The following GRM5 variants were observed in gnomAD, a reference collection of about 807,000 sequenced individuals.
GRM5 encodes the protein glutamate metabotropic receptor 5.
Under a neutral mutation model 83.1 loss-of-function variants are expected in GRM5, and 19 were observed. The observed-to-expected ratio is 0.23, with a 90% CI of 0.16 to 0.34. The LOEUF is 0.34. Ranked by LOEUF, GRM5 falls within the 10% of genes least tolerant of loss-of-function variation. GRM5 has a pLI of 1.00. For missense variants in GRM5, 1,160 were observed against 1,588.3 expected (o/e 0.73, Z 4.58); for synonymous variants, 675 against 633.6 (o/e 1.07, Z -0.98).
At chr11:88,979,414 T>C (rs1163601914) in intron 2 of GRM5, among the ~76,000 whole-genome samples, 4 of 152,214 alleles carry the variant, frequency 2.6e-5, no homozygotes, top group South Asian at 4.1e-4. Flanking sequence ...TACATATTAA[T>C]ACATATATCA....
chr11:88,902,233 A>G (rs1795121925), intron 2 of GRM5, among the ~76,000 whole-genome samples: 1 of 151,938 alleles, frequency 6.6e-6, no homozygotes, highest in Admixed American at 6.6e-5. Context: ...TTAGGGTGGA[A>G]GAACTTGGGA....
chr11:88,603,005 G>A (rs938170049), intron 5 of GRM5, among the ~76,000 whole-genome samples: 1 of 152,138 alleles, frequency 6.6e-6, no homozygotes, highest in Non-Finnish European at 1.5e-5. Flanking sequence ...ATGGGTTAAT[G>A]TTATACTCAA....
intron 8 of GRM5, among the ~76,000 whole-genome samples, chr11:88,565,807 T>C (rs972208684): frequency 2.6e-5 from 4 of 152,156 alleles, no homozygotes; most frequent in African/African-American, 9.7e-5. Flanking sequence ...AGATGAGAAG[T>C]GTAAAACAAG....
intron 3 of GRM5, among the ~76,000 whole-genome samples, chr11:88,849,290 T>C (rs1944350879): frequency 6.6e-6 from 1 of 152,200 alleles, no homozygotes; most frequent in Non-Finnish European, 1.5e-5. Flanking sequence ...AGAATTTGAC[T>C]AATACACTGA....
intron 2 of GRM5, among the ~76,000 whole-genome samples, chr11:88,991,745 A>G (rs1373236574): frequency 6.6e-6 from 1 of 152,112 alleles, no homozygotes; most frequent in Non-Finnish European, 1.5e-5. Context: ...CAAACCTGAC[A>G]AAAACAAGAA....
At chr11:88,872,868 A>G (rs1944792584) in intron 2 of GRM5, among the ~76,000 whole-genome samples, 1 of 151,484 alleles carries the variant, frequency 6.6e-6, no homozygotes, top group Non-Finnish European at 1.5e-5. Flanking sequence ...CTTACCTATC[A>G]TTTACCTTAT....
chr11:88,689,846 T>G (rs1057095099), intron 3 of GRM5, among the ~76,000 whole-genome samples: 25 of 152,182 alleles, frequency 1.6e-4, no homozygotes, highest in African/African-American at 6.0e-4. Flanking sequence ...AGACACTATC[T>G]AAGACTAAGC....
chr11:88,631,876 T>A (rs771836783), intron 4 of GRM5, among the ~76,000 whole-genome samples: 8 of 152,214 alleles, frequency 5.3e-5, no homozygotes, highest in Non-Finnish European at 8.8e-5. Context: ...TTGCTAGAAT[T>A]CTTTGAAGCC....
intron 3 of GRM5, among the ~76,000 whole-genome samples, chr11:88,773,738 G>A (rs1942788245): frequency 6.6e-6 from 1 of 152,016 alleles, no homozygotes; most frequent in South Asian, 2.1e-4. Flanking sequence ...TTTTTATCAG[G>A]TTTGTCAAAA....
chr11:88,835,964 T>A (rs1273984516), intron 3 of GRM5, among the ~76,000 whole-genome samples: 2 of 152,112 alleles, frequency 1.3e-5, no homozygotes, highest in African/African-American at 4.8e-5. Context: ...CATTCAAGCC[T>A]GTACCCTCAA....
At chr11:88,794,002 T>A (rs1046620684) in intron 3 of GRM5, among the ~76,000 whole-genome samples, 3 of 152,138 alleles carry the variant, frequency 2.0e-5, no homozygotes, top group Non-Finnish European at 4.4e-5. Context: ...GCTAATTTTA[T>A]ATACAGACAA....
chr11:88,885,463 T>A (rs1193337132), intron 2 of GRM5, among the ~76,000 whole-genome samples: 1 of 116,070 alleles, frequency 8.6e-6, no homozygotes, highest in African/African-American at 4.0e-5. Context: ...TTTTTTTTTT[T>A]TTTTTTTTTT....
At chr11:88,585,014 A>C (rs977544962) in intron 7 of GRM5, among the ~76,000 whole-genome samples, 1 of 152,038 alleles carries the variant, frequency 6.6e-6, no homozygotes, top group African/African-American at 2.4e-5. Flanking sequence ...CCCACCCTTC[A>C]CCCCTGAAGC....
In GRM5 at chr11:88,639,516, T is replaced by C. The variant is rs143642495; in HGVS notation, c.1147+13652A>G. 5.1e-4 allele frequency among the ~76,000 whole-genome samples: 78 copies of C among 152,292 alleles called. 1 individual carries two copies. In the East Asian group the frequency reaches 0.015, roughly 29 times the overall value. On this transcript the variant is annotated intron_variant, in intron 4 of 9. Transcript: ENST00000305447. Reference sequence around the variant, plus strand: ...AGCAGGAGAGTAAATTCCATTTTTATTACTTCATCTTCAAAAGAAGCAGCC... The same window carrying C: ...AGCAGGAGAGTAAATTCCATTTTTACTACTTCATCTTCAAAAGAAGCAGCC...
At chr11:88,875,196 G>A (rs925779094) in intron 2 of GRM5, among the ~76,000 whole-genome samples, 1 of 151,626 alleles carries the variant, frequency 6.6e-6, no homozygotes, top group Non-Finnish European at 1.5e-5. Context: ...CCCTGCTGCT[G>A]CTTTATTAAC....
At chr11:88,896,435 G>A (rs1050212261) in intron 2 of GRM5, among the ~76,000 whole-genome samples, 11 of 151,858 alleles carry the variant, frequency 7.2e-5, no homozygotes, top group Non-Finnish European at 1.6e-4. Context: ...GGGGCAGAGT[G>A]GGAAATGAGA....
chr11:88,720,161 C>T (rs12792263), intron 3 of GRM5, among the ~76,000 whole-genome samples: 22,552 of 151,974 alleles, frequency 0.15, 1,830 homozygotes, highest in Middle Eastern at 0.19. Flanking sequence ...ATCCATGTCA[C>T]GTACAAAATC....
intron 3 of GRM5, among the ~76,000 whole-genome samples, chr11:88,848,925 G>A (rs955110495): frequency 2.0e-5 from 3 of 152,064 alleles, no homozygotes; most frequent in African/African-American, 7.2e-5. Context: ...AATGTTTTTT[G>A]CCTGATAGCA....
At position 88,845,434 on chromosome 11, in the gene GRM5, T is replaced by G. The variant is rs1415857417; in HGVS notation, c.911+4472A>C. On this transcript the variant is annotated intron_variant, in intron 3 of 9. Coordinates refer to ENST00000305447, the MANE Select transcript of GRM5 (RefSeq NM_001143831.3). ...CAGTATAAACATAACTTTTTTTTTT[T>G]TTTTTTTTTTTTTTTTTGAGACAGA... 2.2e-3 allele frequency among the ~76,000 whole-genome samples: 92 copies of G among 41,340 alleles called. 1 individual carries two copies. The highest frequency in any genetic ancestry group is 3.5e-3 in the Non-Finnish European group (71 of 20,538). The allele number at this position is 41,340 out of a possible 152,430, so 27.1% of individuals were successfully genotyped here. A position where few individuals can be genotyped will look rare whatever the true frequency, so the allele number is the denominator to read the frequency against.
Sources: gnomAD v4.1 joint callset for allele counts (sites outside exome capture counted in the v4.1 genomes callset) on GRCh38, gnomAD v4.1.1 for gene constraint, MANE v1.5 for transcripts, NCBI Gene and HGNC (gene_info 2026-07-23, HGNC 2026-07-21) for gene names.